DIPK1A: variants seen among roughly 807,000 people sequenced by gnomAD.
DIPK1A encodes divergent protein kinase domain 1A.
DIPK1A carries 27 observed loss-of-function variants against 40.8 expected under a neutral mutation model. The observed-to-expected ratio is 0.66, with a 90% CI of 0.49 to 0.91. DIPK1A has a LOEUF of 0.91. DIPK1A is among the 40% of genes least tolerant of loss of function. The probability of loss-of-function intolerance (pLI) is 0.00; values close to 1 mark genes in which losing one functional copy is unlikely to be tolerated. For missense variants in DIPK1A, 412 were observed against 505.7 expected (o/e 0.81, Z 1.78); for synonymous variants, 166 against 171.3 (o/e 0.97, Z 0.24).
Position 92,842,517 on chromosome 1 carries a change from T to C in DIPK1A, c.*866A>G. 2 of 982,768 alleles carry C rather than the reference T, an allele frequency of 2.0e-6. No homozygotes were observed. The highest frequency in any genetic ancestry group is 2.4e-6 in the Non-Finnish European group (2 of 827,486). The allele number at this position is 982,768 out of a possible 1,614,324, so 60.9% of individuals were successfully genotyped here. A position where few individuals can be genotyped will look rare whatever the true frequency, so the allele number is the denominator to read the frequency against. On this transcript the variant is annotated 3_prime_UTR_variant, in exon 5 of 5. Transcript: ENST00000370310. ...ATAAATAAATACATTTACATGCCTCTTTAAGAAATAGCCCTTTGGCCCACA... is the reference window on the plus strand; with the variant it reads ...ATAAATAAATACATTTACATGCCTCCTTAAGAAATAGCCCTTTGGCCCACA...
intron 1 of DIPK1A, among the ~76,000 whole-genome samples, chr1:92,944,113 A>C (rs1302901677): frequency 6.6e-6 from 1 of 152,122 alleles, no homozygotes; most frequent in Non-Finnish European, 1.5e-5. Flanking sequence ...AGTGGTTAGA[A>C]AAGGAAAGAA....
intron 3 of DIPK1A, among the ~76,000 whole-genome samples, chr1:92,848,837 C>A (rs547994965): frequency 6.0e-4 from 92 of 152,084 alleles, no homozygotes; most frequent in Non-Finnish European, 1.2e-3. Context: ...ATACTGTCAA[C>A]TGAAAAATTA....
chr1:92,874,540 A>G (rs1028021870), intron 2 of DIPK1A, among the ~76,000 whole-genome samples: 1 of 152,224 alleles, frequency 6.6e-6, no homozygotes, highest in African/African-American at 2.4e-5. Flanking sequence ...TATCCATGGA[A>G]TATCTATTAA....
chr1:92,957,389 C>A (rs189592456), intron 1 of DIPK1A, among the ~76,000 whole-genome samples: 20 of 152,240 alleles, frequency 1.3e-4, no homozygotes, highest in African/African-American at 4.8e-4. Context: ...TGTGCTGCAT[C>A]ATTTAGCCAG....
At chr1:92,954,083 T>C (rs1651744325) in intron 1 of DIPK1A, among the ~76,000 whole-genome samples, 1 of 152,272 alleles carries the variant, frequency 6.6e-6, no homozygotes, top group South Asian at 2.1e-4. Context: ...AACATGCACA[T>C]TGCAATATCC....
chr1:92,906,542 A>C (rs1184823773), intron 1 of DIPK1A, among the ~76,000 whole-genome samples: 1 of 152,206 alleles, frequency 6.6e-6, no homozygotes, highest in Non-Finnish European at 1.5e-5. Flanking sequence ...AATCATGGAC[A>C]AAATATATAT....
chr1:92,874,352 G>C (rs1240326801), intron 2 of DIPK1A, among the ~76,000 whole-genome samples: 3 of 152,126 alleles, frequency 2.0e-5, no homozygotes, highest in African/African-American at 7.2e-5. Flanking sequence ...ATGTTAACAG[G>C]TCTTCCTGGG....
chr1:92,846,844 T>TATATATATATATACACACACAC (rs1557449950), intron 4 of DIPK1A, among the ~76,000 whole-genome samples: 1 of 1,156 alleles, frequency 8.7e-4, no homozygotes, highest in African/African-American at 0.01. Context: ...TATATATATG[T>TATATATATATATACACACACAC]GTGTATATAT....
intron 2 of DIPK1A, among the ~76,000 whole-genome samples, chr1:92,868,255 A>G (rs1006213416): frequency 1.3e-5 from 2 of 152,232 alleles, no homozygotes; most frequent in African/African-American, 4.8e-5. Flanking sequence ...CAACAGGCTA[A>G]CATGATATGG....
chr1:92,843,846 A>G lies in DIPK1A; in HGVS notation c.824T>C (p.Leu275Pro). 1 of 1,551,844 alleles carries G rather than the reference A, an allele frequency of 6.4e-7. No individual in the cohort carries two copies. The highest frequency in any genetic ancestry group is 8.7e-7 in the Non-Finnish European group (1 of 1,147,030). Reference protein sequence around the residue: ...WPRKAKIAIGLLEFVEDVFHG... With the variant: ...WPRKAKIAIGPLEFVEDVFHG... ...GAAAACATCTTCCACAAATTCTAGAAGTCCTATGGCTATTTTGGCCTTTCT... is the reference window on the plus strand; with the variant it reads ...GAAAACATCTTCCACAAATTCTAGAGGTCCTATGGCTATTTTGGCCTTTCT... Residue 275 changes from leucine (L) to proline (P), a missense_variant, in exon 5 of 5, where the codon CTT becomes CCT. Leu to Pro is a moderately conservative substitution (Grantham distance 98). Coordinates refer to ENST00000370310, the MANE Select transcript of DIPK1A (RefSeq NM_001006605.5).
chr1:92,836,059 T>TGA, intron 4 of DIPK1A: 1 of 791,170 alleles, frequency 1.3e-6, no homozygotes, highest in Non-Finnish European at 2.3e-6. Flanking sequence ...GTGGATCTGG[T>TGA]GAAAGGGTGG....
In DIPK1A at chr1:92,952,024, C is replaced by T. The variant is rs1651653717; in HGVS notation, c.54+9352G>A. ...CATCAGGAAAATGAAATTAAAACTA[C>T]AATGAAATACCAACTCACACCCATG... On this transcript the variant is annotated intron_variant, in intron 1 of 4. Transcript: ENST00000370310. Among the ~76,000 whole-genome samples, 3 of 136,452 alleles carry T rather than the reference C, an allele frequency of 2.2e-5. No individual in the cohort carries two copies. In the South Asian group the frequency reaches 7.0e-4, roughly 32 times the overall value. The allele number at this position is 136,452 out of a possible 152,430, so 89.5% of individuals were successfully genotyped here. A position where few individuals can be genotyped will look rare whatever the true frequency, so the allele number is the denominator to read the frequency against.
chr1:92,888,361 A>C (rs1648706604), intron 1 of DIPK1A, among the ~76,000 whole-genome samples: 1 of 152,198 alleles, frequency 6.6e-6, no homozygotes, highest in Admixed American at 6.5e-5. Context: ...TGTGAATGGC[A>C]AAATTTCATT....
At chr1:92,924,332 G>T (rs1650395010) in intron 1 of DIPK1A, among the ~76,000 whole-genome samples, 1 of 148,812 alleles carries the variant, frequency 6.7e-6, no homozygotes, top group Non-Finnish European at 1.5e-5. Context: ...ACTTCTCCTT[G>T]CCTTATTGCA....
chr1:92,837,975 A>T (rs1687192995), downstream of DIPK1A, among the ~76,000 whole-genome samples: 1 of 152,220 alleles, frequency 6.6e-6, no homozygotes, highest in Non-Finnish European at 1.5e-5. Flanking sequence ...TGTGTGCTAT[A>T]TTCTGGACTT....
chr1:92,947,831 G>C (rs1307744735), intron 1 of DIPK1A, among the ~76,000 whole-genome samples: 1 of 152,200 alleles, frequency 6.6e-6, no homozygotes, highest in East Asian at 1.9e-4. Flanking sequence ...TCACTCATAT[G>C]TGGAAACTAA....
chr1:92,943,268 A>G (rs1651237020), intron 1 of DIPK1A, among the ~76,000 whole-genome samples: 1 of 152,260 alleles, frequency 6.6e-6, no homozygotes, highest in African/African-American at 2.4e-5. Context: ...AATTGTGTTG[A>G]TGGATGAGGC....
intron 1 of DIPK1A, among the ~76,000 whole-genome samples, chr1:92,892,035 G>A (rs1020221301): frequency 2.0e-5 from 3 of 152,034 alleles, no homozygotes; most frequent in African/African-American, 4.8e-5. Context: ...GGAGCCCACC[G>A]CAGCTCAAGG....
chr1:92,875,733 G>T (rs1284846344), intron 2 of DIPK1A, among the ~76,000 whole-genome samples: 1 of 149,630 alleles, frequency 6.7e-6, no homozygotes, highest in African/African-American at 2.4e-5. Flanking sequence ...AAAAAAAAGA[G>T]AGAAAGTACT....
Sources: allele counts gnomAD v4.1 joint callset (sites outside exome capture counted in the v4.1 genomes callset), GRCh38; gene constraint gnomAD v4.1.1; transcripts MANE v1.5; gene names NCBI Gene and HGNC (gene_info 2026-07-23, HGNC 2026-07-21).